Variants in GULP1 observed in about 807,000 individuals in gnomAD.
The protein encoded by GULP1 is GULP PTB domain containing engulfment adaptor 1, also known as PTB domain-containing engulfment adapter protein 1.
Under a neutral mutation model 40.9 loss-of-function variants are expected in GULP1, and 19 were observed. The observed-to-expected ratio is 0.46, with a 90% CI of 0.32 to 0.68. GULP1 has a LOEUF of 0.68. Ranked by LOEUF, GULP1 falls within the 30% of genes least tolerant of loss-of-function variation. The pLI, the probability that GULP1 is intolerant of heterozygous loss-of-function variation, is 0.03. For missense variants in GULP1, 312 were observed against 362.2 expected (o/e 0.86, Z 1.12); for synonymous variants, 119 against 117.6 (o/e 1.01, Z -0.08).
intron 4 of GULP1, among the ~76,000 whole-genome samples, chr2:188,497,476 T>C (rs945990948): frequency 6.6e-6 from 1 of 152,032 alleles, no homozygotes; most frequent in African/African-American, 2.4e-5. Context: ...AATGACTTTG[T>C]TGTCTGTTTC....
At position 188,423,354 on chromosome 2, in the gene GULP1, G is replaced by A. The variant is rs976273148; in HGVS notation, c.-45+39465G>A. On this transcript the variant is annotated intron_variant, in intron 2 of 11. Coordinates refer to ENST00000409830, the MANE Select transcript of GULP1 (RefSeq NM_016315.4). ...ACTAATGGAAAAATTAAATTAGACA[G>A]TATATGATTTTTCCTAGGCAATATA... 2.0e-5 allele frequency among the ~76,000 whole-genome samples: 3 copies of A among 151,882 alleles called. No homozygotes were observed. In the South Asian group the frequency reaches 6.2e-4, roughly 32 times the overall value.
At chr2:188,520,660 T>A (rs904722671) in intron 4 of GULP1, among the ~76,000 whole-genome samples, 6 of 152,134 alleles carry the variant, frequency 3.9e-5, no homozygotes, top group African/African-American at 1.4e-4. Flanking sequence ...CACCAGTTGT[T>A]GCCTGTATTT....
At chr2:188,321,019 C>T (rs1223191173) in intron 1 of GULP1, among the ~76,000 whole-genome samples, 1 of 151,616 alleles carries the variant, frequency 6.6e-6, no homozygotes, top group East Asian at 1.9e-4. Context: ...ACTTAATGGT[C>T]TTATTTCCGC....
chr2:188,440,570 G>C (rs1364469352), intron 2 of GULP1, among the ~76,000 whole-genome samples: 2 of 152,040 alleles, frequency 1.3e-5, no homozygotes, highest in African/African-American at 4.8e-5. Context: ...GCCATTTCAT[G>C]TTATTATTTT....
intron 1 of GULP1, among the ~76,000 whole-genome samples, chr2:188,309,220 C>G (rs1263984238): frequency 6.6e-6 from 1 of 152,132 alleles, no homozygotes; most frequent in Non-Finnish European, 1.5e-5. Flanking sequence ...AATCCCAGCA[C>G]TTTGGGAGGT....
chr2:188,590,421 A>G (rs1292285607), intron 11 of GULP1: 1 of 152,222 alleles, frequency 6.6e-6, no homozygotes. Context: ...CTATCTTTGC[A>G]TATCATATAA....
intron 11 of GULP1, chr2:188,588,200 A>C (rs1261060630): frequency 2.2e-6 from 1 of 460,506 alleles, no homozygotes; most frequent in Non-Finnish European, 4.0e-6. Flanking sequence ...TTTTAAATAC[A>C]AAATGGCATG....
intron 7 of GULP1, among the ~76,000 whole-genome samples, chr2:188,557,013 G>T (rs534099465): frequency 6.6e-6 from 1 of 150,772 alleles, no homozygotes; most frequent in Non-Finnish European, 1.5e-5. Context: ...GACAGAGCAA[G>T]ACTCTGTCTC....
intron 2 of GULP1, among the ~76,000 whole-genome samples, chr2:188,462,288 T>A (rs759789917): frequency 2.6e-5 from 4 of 152,186 alleles, no homozygotes; most frequent in Non-Finnish European, 4.4e-5. Flanking sequence ...TCTGAAGAGA[T>A]GCTTGATATT....
At chr2:188,337,010 G>A (rs1417746008) in intron 1 of GULP1, among the ~76,000 whole-genome samples, 1 of 152,096 alleles carries the variant, frequency 6.6e-6, no homozygotes, top group East Asian at 1.9e-4. Flanking sequence ...TACCTTTCAT[G>A]GTTTTAGAAA....
chr2:188,373,912 A>G (rs1023594830), intron 1 of GULP1, among the ~76,000 whole-genome samples: 4 of 152,160 alleles, frequency 2.6e-5, no homozygotes, highest in South Asian at 4.1e-4. Context: ...AATTGTTCAT[A>G]TCTCTTCTAA....
At chr2:188,492,184 A>G (rs1300972488) in intron 4 of GULP1, among the ~76,000 whole-genome samples, 1 of 152,090 alleles carries the variant, frequency 6.6e-6, no homozygotes, top group Non-Finnish European at 1.5e-5. Context: ...CAAGTATGGA[A>G]AACACAGGAT....
chr2:188,390,110 T>C (rs1011579255), intron 2 of GULP1, among the ~76,000 whole-genome samples: 2 of 152,158 alleles, frequency 1.3e-5, no homozygotes, highest in Non-Finnish European at 2.9e-5. Context: ...CTTTTTGTTA[T>C]GACTTCTTCT....
At chr2:188,557,379 C>T (rs891817572) in intron 7 of GULP1, among the ~76,000 whole-genome samples, 1 of 152,178 alleles carries the variant, frequency 6.6e-6, no homozygotes, top group African/African-American at 2.4e-5. Context: ...TAAACATTCC[C>T]ATTCCAAAAG....
intron 1 of GULP1, among the ~76,000 whole-genome samples, chr2:188,328,470 C>T (rs188647577): frequency 2.8e-4 from 42 of 152,212 alleles, no homozygotes; most frequent in African/African-American, 7.2e-4. Flanking sequence ...TATTTTGCCT[C>T]GCCAACTGAG....
chr2:188,434,504 C>T (rs2057222573), intron 2 of GULP1, among the ~76,000 whole-genome samples: 1 of 150,510 alleles, frequency 6.6e-6, no homozygotes, highest in African/African-American at 2.5e-5. Context: ...TTTTGGTTTA[C>T]TTCTTTGAGG....
intron 1 of GULP1, among the ~76,000 whole-genome samples, chr2:188,372,276 C>T (rs1419647933): frequency 1.3e-5 from 2 of 152,058 alleles, no homozygotes; most frequent in Admixed American, 6.6e-5. Context: ...AGTACTAGTA[C>T]TTTCTACTTA....
intron 2 of GULP1, among the ~76,000 whole-genome samples, chr2:188,461,346 G>A (rs1269854011): frequency 7.3e-6 from 1 of 136,368 alleles, no homozygotes; most frequent in Admixed American, 7.4e-5. Flanking sequence ...TTGAGGCAGA[G>A]TTTTGCTCTT....
chr2:188,377,328 G>A (rs2048426772), intron 1 of GULP1, among the ~76,000 whole-genome samples: 1 of 152,120 alleles, frequency 6.6e-6, no homozygotes, highest in Non-Finnish European at 1.5e-5. Flanking sequence ...TATGTGTCGG[G>A]CTATATGATT....
Sources: allele counts gnomAD v4.1 joint callset (sites outside exome capture counted in the v4.1 genomes callset), GRCh38; gene constraint gnomAD v4.1.1; transcripts MANE v1.5; gene names NCBI Gene and HGNC (gene_info 2026-07-23, HGNC 2026-07-21).